RPRD2: variants seen among roughly 807,000 people sequenced by gnomAD.
RPRD2 encodes regulation of nuclear pre-mRNA domain-containing protein 2.
Under a neutral mutation model 104.4 loss-of-function variants are expected in RPRD2, and 12 were observed. That is an observed-to-expected ratio of 0.11 (90% confidence interval 0.07 to 0.19). RPRD2 has a LOEUF of 0.19. Ranked by LOEUF, RPRD2 falls within the 10% of genes least tolerant of loss-of-function variation. The pLI is 1.00. For synonymous variants in RPRD2, 714 were observed against 684.9 expected, an observed-to-expected ratio of 1.04 and a Z score of -0.66; for missense variants, 1,543 against 1,790.1, an observed-to-expected ratio of 0.86 and a Z score of 2.49.
chr1:150,472,970 G>C lies in RPRD2; in HGVS notation c.4022G>C (p.Gly1341Ala). ...LLQGTLAEHF[G>A]VLPGPRDHGG... ...CAAGGGACCCTGGCTGAGCATTTTG[G>C]GGTACTCCCAGGACCCAGGGACCAC... The change falls in exon 11 of 11, where the codon GGG becomes GCG. Residue 1341 changes from glycine (G) to alanine (A), a missense_variant. Transcript: ENST00000369068. The C allele has an allele frequency of 6.2e-7, 1 of 1,613,888 alleles. No individual in the cohort carries two copies. Among genetic ancestry groups the C allele is most frequent in the Non-Finnish European group, 8.5e-7 (1 of 1,179,838 alleles).
intron 7 of RPRD2, among the ~76,000 whole-genome samples, chr1:150,447,859 A>G (rs1477005001): frequency 1.3e-5 from 2 of 152,200 alleles, no homozygotes; most frequent in Admixed American, 6.5e-5. Flanking sequence ...TTGCTCCCAT[A>G]TTTGTAAATG....
intron 2 of RPRD2, among the ~76,000 whole-genome samples, chr1:150,420,535 G>T (rs1572437925): frequency 6.6e-6 from 1 of 152,280 alleles, no homozygotes; most frequent in East Asian, 1.9e-4. Flanking sequence ...ATGAATGAAT[G>T]AATAGATAGG....
At position 150,473,498 on chromosome 1, in the gene RPRD2, TATTCA is replaced by T; in HGVS notation, c.*172_*176del. 1 of 437,202 alleles carries T rather than the reference TATTCA, an allele frequency of 2.3e-6. No individual in the cohort carries two copies. The highest frequency in any genetic ancestry group is 3.8e-6 in the Non-Finnish European group (1 of 260,922). 27.1% of individuals were successfully genotyped at this position (437,202 alleles called of 1,614,324 possible). ...GAAATCACATACGCTTACGTTTTAC[TATTCA>T]ATTCAATCCTCCCTCCCATTGCACT... On this transcript the variant is annotated 3_prime_UTR_variant, in exon 11 of 11. Transcript: ENST00000369068.
intron 1 of RPRD2, among the ~76,000 whole-genome samples, chr1:150,416,636 A>C (rs1664347329): frequency 6.6e-6 from 1 of 152,080 alleles, no homozygotes; most frequent in South Asian, 2.1e-4. Context: ...TGGGGAGGCC[A>C]AAGCAGGCAG....
chr1:150,459,083 C>A (rs1246561787), intron 8 of RPRD2, among the ~76,000 whole-genome samples: 2 of 152,198 alleles, frequency 1.3e-5, no homozygotes, highest in Non-Finnish European at 2.9e-5. Context: ...TTCTCTGTCA[C>A]TTTTGACCAT....
chr1:150,378,712 T>C (rs1660899642), intron 1 of RPRD2, among the ~76,000 whole-genome samples: 1 of 152,064 alleles, frequency 6.6e-6, no homozygotes. Context: ...ACAGGGTGGC[T>C]CACTGAGTGC....
At chr1:150,441,747 A>G in intron 3 of RPRD2, 134 bp from the exon 4 acceptor site, 3 of 537,374 alleles carry the variant, frequency 5.6e-6, no homozygotes, top group Non-Finnish European at 3.3e-6. Flanking sequence ...TTTCATAAAA[A>G]TGAAAGAAAA....
At chr1:150,402,446 G>A (rs1484601975) in intron 1 of RPRD2, among the ~76,000 whole-genome samples, 1 of 152,000 alleles carries the variant, frequency 6.6e-6, no homozygotes, top group African/African-American at 2.4e-5. Flanking sequence ...GGGACGTCAA[G>A]ATGGGAGGAT....
At chr1:150,452,187 C>G (rs1667232096) in intron 7 of RPRD2, among the ~76,000 whole-genome samples, 1 of 146,064 alleles carries the variant, frequency 6.8e-6, no homozygotes, top group Non-Finnish European at 1.5e-5. Context: ...AGAAACTGGA[C>G]AAAAGCACAG....
intron 4 of RPRD2, 131 bp downstream of exon 4, chr1:150,442,089 G>T: frequency 4.0e-6 from 2 of 498,494 alleles, no homozygotes; most frequent in Middle Eastern, 6.4e-4. Flanking sequence ...GAGGCTCCCA[G>T]TGACCTATGC....
chr1:150,451,767 G>A (rs1248398851), intron 7 of RPRD2, among the ~76,000 whole-genome samples: 1 of 151,898 alleles, frequency 6.6e-6, no homozygotes, highest in Non-Finnish European at 1.5e-5. Context: ...TGGAAATAGG[G>A]TCTTTGCTGA....
chr1:150,392,654 G>A (rs1252851965), intron 1 of RPRD2, among the ~76,000 whole-genome samples: 1 of 152,156 alleles, frequency 6.6e-6, no homozygotes, highest in African/African-American at 2.4e-5. Context: ...ACTAGCCTGG[G>A]CAACATACAT....
intron 1 of RPRD2, among the ~76,000 whole-genome samples, chr1:150,384,365 A>G (rs1178076800): frequency 6.6e-6 from 1 of 151,892 alleles, no homozygotes; most frequent in Non-Finnish European, 1.5e-5. Flanking sequence ...AGTGTGAAAG[A>G]ATCAGAGAGG....
At position 150,444,299 on chromosome 1, in the gene RPRD2, C is replaced by G. The variant is rs782747672; in HGVS notation, c.616C>G (p.Gln206Glu). 3 of 1,613,648 alleles carry G rather than the reference C, an allele frequency of 1.9e-6. No homozygotes were observed. The Admixed American group carries it at 5.0e-5, about 27-fold the overall frequency. ...ELLLYKRSED[Q>E]IELKEKQLST... is the part of the protein sequence containing the mutation. ...GTTGCTATACAAGCGCTCAGAAGAT[C>G]AGATAGAACTGAAGGAAAAGCAGTT... Residue 206 changes from glutamine to glutamate, a missense_variant, in exon 6 of 11, where the codon CAG becomes GAG. Physicochemically the swap from Gln to Glu is conservative, Grantham distance 29. Coordinates refer to ENST00000369068, the MANE Select transcript of RPRD2 (RefSeq NM_015203.5).
intron 1 of RPRD2, among the ~76,000 whole-genome samples, chr1:150,384,941 A>G (rs948932623): frequency 1.3e-5 from 2 of 152,044 alleles, no homozygotes; most frequent in Non-Finnish European, 2.9e-5. Flanking sequence ...CACTCAGCCC[A>G]GGAGTTAAAG....
intron 2 of RPRD2, among the ~76,000 whole-genome samples, chr1:150,430,821 G>A (rs1372211340): frequency 6.6e-6 from 1 of 151,866 alleles, no homozygotes; most frequent in Non-Finnish European, 1.5e-5. Flanking sequence ...CCAGCTACTC[G>A]GGAGACTGAG....
intron 2 of RPRD2, among the ~76,000 whole-genome samples, chr1:150,438,069 G>A (rs1442287756): frequency 9.4e-5 from 14 of 148,806 alleles, no homozygotes; most frequent in East Asian, 8.0e-4. Context: ...AGATCATGAG[G>A]TCAGGAGTTT....
intron 2 of RPRD2, among the ~76,000 whole-genome samples, chr1:150,434,771 CA>C (rs1665882043): frequency 1.3e-5 from 2 of 152,214 alleles, no homozygotes; most frequent in African/African-American, 4.8e-5. Context: ...GAGCCAGGAT[CA>C]CGCCACTGCA....
Position 150,364,748 on chromosome 1 carries a change from GCCT to G in RPRD2, c.42_44del (p.Ser16del), listed in dbSNP as rs782652075. 6.3e-6 allele frequency: 10 copies of G among 1,595,162 alleles called. No homozygotes were observed. Among genetic ancestry groups the G allele is most frequent in the South Asian group, 2.2e-5 (2 of 89,166 alleles). ...CGGCGGCGGCGGAGGCAGCAGTAAG[GCCT>G]CCTCCTCGTCGGCCTCTTCGGCAGG... On this transcript the variant is annotated inframe_deletion, in exon 1 of 11. Coordinates refer to ENST00000369068, the MANE Select transcript of RPRD2 (RefSeq NM_015203.5).
Sources: gnomAD v4.1 joint callset for allele counts (sites outside exome capture counted in the v4.1 genomes callset) on GRCh38, gnomAD v4.1.1 for gene constraint, MANE v1.5 for transcripts, NCBI Gene and HGNC (gene_info 2026-07-23, HGNC 2026-07-21) for gene names.